Variants in CDC42BPA observed in about 807,000 individuals in gnomAD.
The protein encoded by CDC42BPA is CDC42 binding protein kinase alpha.
A neutral mutation model predicts 223.5 loss-of-function variants in CDC42BPA; 80 were observed. The observed-to-expected ratio is 0.36, with a 90% confidence interval of 0.30 to 0.43. The LOEUF is 0.43. CDC42BPA is among the 20% of genes least tolerant of loss of function. The pLI is 1.00. For synonymous variants in CDC42BPA, 694 were observed against 718.6 expected, an observed-to-expected ratio of 0.97 and a Z score of 0.55; for missense variants, 1,743 against 2,099.9, an observed-to-expected ratio of 0.83 and a Z score of 3.32.
At chr1:227,214,008 G>A (rs540048649) in intron 2 of CDC42BPA, among the ~76,000 whole-genome samples, 18 of 152,020 alleles carry the variant, frequency 1.2e-4, no homozygotes, top group Non-Finnish European at 1.8e-4. Context: ...CAGGCCATTG[G>A]ACTTGCCATA....
At chr1:227,255,822 G>A (rs1012751429) in intron 1 of CDC42BPA, among the ~76,000 whole-genome samples, 3 of 152,094 alleles carry the variant, frequency 2.0e-5, no homozygotes, top group Admixed American at 6.5e-5. Context: ...TAAATGAAAA[G>A]ACATCCAGTA....
intron 1 of CDC42BPA, among the ~76,000 whole-genome samples, chr1:227,273,874 C>T (rs1328355060): frequency 1.6e-5 from 2 of 125,318 alleles, no homozygotes; most frequent in African/African-American, 5.9e-5. Flanking sequence ...AAAAAAAAAA[C>T]ACAAATAACC....
chr1:227,137,041 G>T (rs10799387), intron 10 of CDC42BPA, among the ~76,000 whole-genome samples: 5 of 152,144 alleles, frequency 3.3e-5, no homozygotes, highest in Non-Finnish European at 7.4e-5. Flanking sequence ...AAGCAACAAT[G>T]GAGTAAAAGT....
chr1:227,282,184 G>A (rs1477133111), intron 1 of CDC42BPA, among the ~76,000 whole-genome samples: 7 of 97,056 alleles, frequency 7.2e-5, no homozygotes, highest in East Asian at 3.5e-4. Flanking sequence ...GCAAAACTCC[G>A]TCTCAAAAAA....
At position 227,195,065 on chromosome 1, in the gene CDC42BPA, CAT is replaced by C. The variant is rs541981535; in HGVS notation, c.451-1133_451-1132del. ...TATTACTATATGTTAAAATTACAAA[CAT>C]AGGAAATGTGTGTTAAACCAAAGAA... is the stretch of plus-strand genomic sequence containing the variant. On this transcript the variant is annotated intron_variant, in intron 4 of 36. Transcript: ENST00000366766. Among the ~76,000 whole-genome samples, 532 of 152,258 alleles carry C rather than the reference CAT, an allele frequency of 3.5e-3. 2 individuals are homozygous for C. Among genetic ancestry groups the C allele is most frequent in the Non-Finnish European group, 5.8e-3 (396 of 68,000 alleles).
chr1:227,200,527 A>AT (rs58110006), intron 3 of CDC42BPA, among the ~76,000 whole-genome samples: 68 of 146,758 alleles, frequency 4.6e-4, no homozygotes, highest in African/African-American at 6.5e-4. Flanking sequence ...TTGCAATTTG[A>AT]TTTTTTTTTT....
intron 1 of CDC42BPA, among the ~76,000 whole-genome samples, chr1:227,313,420 A>G (rs1330801546): frequency 4.6e-5 from 7 of 152,200 alleles, no homozygotes; most frequent in Admixed American, 3.9e-4. Flanking sequence ...TTATAATAAT[A>G]GCCATTACAT....
At chr1:227,313,083 T>C (rs1361565416) in intron 1 of CDC42BPA, among the ~76,000 whole-genome samples, 1 of 152,024 alleles carries the variant, frequency 6.6e-6, no homozygotes, top group Non-Finnish European at 1.5e-5. Flanking sequence ...AATAAAGCAA[T>C]ACATAAAATA....
chr1:227,181,588 T>C (rs1194459446), intron 5 of CDC42BPA, among the ~76,000 whole-genome samples: 1 of 152,248 alleles, frequency 6.6e-6, no homozygotes, highest in Admixed American at 6.5e-5. Context: ...TGCAGCTTTT[T>C]GTTTTAAACC....
At chr1:227,055,382 C>T (rs1424721537) in intron 21 of CDC42BPA, among the ~76,000 whole-genome samples, 1 of 151,928 alleles carries the variant, frequency 6.6e-6, no homozygotes, top group Non-Finnish European at 1.5e-5. Flanking sequence ...CAATTAAATG[C>T]CTACCAATGC....
chr1:227,154,572 C>G (rs947196415), intron 6 of CDC42BPA, among the ~76,000 whole-genome samples: 11 of 151,884 alleles, frequency 7.2e-5, no homozygotes, highest in African/African-American at 2.7e-4. Flanking sequence ...TAAAGAAGAG[C>G]AACACACTAT....
intron 23 of CDC42BPA, among the ~76,000 whole-genome samples, chr1:227,046,580 G>A (rs192045618): frequency 9.7e-4 from 148 of 152,250 alleles, no homozygotes; most frequent in South Asian, 4.1e-3. Context: ...CTGAGTTGGG[G>A]TAGTTGTCTG....
At chr1:227,034,153 A>C (rs528880244) in intron 26 of CDC42BPA, among the ~76,000 whole-genome samples, 1 of 152,318 alleles carries the variant, frequency 6.6e-6, no homozygotes, top group South Asian at 2.1e-4. Flanking sequence ...CTGTGAGTAA[A>C]TATGATCACT....
chr1:227,023,061 G>C (rs1030551673), intron 32 of CDC42BPA, among the ~76,000 whole-genome samples: 4 of 152,044 alleles, frequency 2.6e-5, no homozygotes, highest in Non-Finnish European at 4.4e-5. Context: ...ACTTAAGTGA[G>C]CTTAAACAGA....
chr1:227,088,886 C>T (rs571355074), intron 16 of CDC42BPA, among the ~76,000 whole-genome samples: 6 of 152,052 alleles, frequency 3.9e-5, no homozygotes, highest in Admixed American at 6.6e-5. Flanking sequence ...CCACCGCACC[C>T]GGTTAATTTT....
At chr1:227,037,999 G>A (rs2148729729) in intron 24 of CDC42BPA, among the ~76,000 whole-genome samples, 1 of 152,286 alleles carries the variant, frequency 6.6e-6, no homozygotes, top group South Asian at 2.1e-4. Flanking sequence ...AATCATTGAT[G>A]CTTTACAAAA....
chr1:227,132,222 C>T (rs1341449195), intron 10 of CDC42BPA, among the ~76,000 whole-genome samples: 2 of 152,004 alleles, frequency 1.3e-5, no homozygotes, highest in Non-Finnish European at 2.9e-5. Context: ...ACCATCTCGG[C>T]TCACTGCAAC....
intron 17 of CDC42BPA, among the ~76,000 whole-genome samples, chr1:227,074,572 G>C (rs1456123469): frequency 2.0e-5 from 3 of 152,120 alleles, no homozygotes; most frequent in Non-Finnish European, 1.5e-5. Flanking sequence ...TGGTAGAGCA[G>C]GTGATGTTTA....
chr1:227,068,287 G>T (rs1677521228), intron 21 of CDC42BPA, among the ~76,000 whole-genome samples: 1 of 151,038 alleles, frequency 6.6e-6, no homozygotes, highest in African/African-American at 2.4e-5. Context: ...AAATTAAACA[G>T]TAAAGTGCTG....
Sources: allele counts gnomAD v4.1 joint callset (sites outside exome capture counted in the v4.1 genomes callset), GRCh38; gene constraint gnomAD v4.1.1; transcripts MANE v1.5; gene names NCBI Gene and HGNC (gene_info 2026-07-23, HGNC 2026-07-21).